ATXN1: variants seen among roughly 807,000 people sequenced by gnomAD.
The protein encoded by ATXN1 is ataxin 1, also known as ataxin-1.
ATXN1 carries 8 observed loss-of-function variants against 56.4 expected under a neutral mutation model. The ratio of observed to expected loss-of-function variants is 0.14; its 90% CI spans 0.08 to 0.26. ATXN1 has a LOEUF of 0.26. ATXN1 is among the 10% of genes least tolerant of loss of function. ATXN1 has a pLI of 1.00. For synonymous variants in ATXN1, 514 were observed against 494.6 expected, an observed-to-expected ratio of 1.04 and a Z score of -0.52; for missense variants, 987 against 1,106.5, an observed-to-expected ratio of 0.89 and a Z score of 1.53.
At chr6:16,539,882 C>T (rs919006907) in intron 4 of ATXN1, among the ~76,000 whole-genome samples, 5 of 152,158 alleles carry the variant, frequency 3.3e-5, no homozygotes, top group Non-Finnish European at 4.4e-5. Context: ...GCAGATGACA[C>T]ACCGAAGGCA....
rs116540327 is a variant in ATXN1, at chr6:16,549,024, A to G, written c.-360-26336T>C. Among the ~76,000 whole-genome samples the G allele has an allele frequency of 2.0e-3, 310 of 152,188 alleles. 1 individual carries two copies. The highest frequency in any genetic ancestry group is 2.9e-3 in the Non-Finnish European group (199 of 68,004). ...GGTCAGGATCATTCATATCACCTCT[A>G]CCTCCACATCTTGTCCCACTGAGAG... On this transcript the variant is annotated intron_variant, in intron 4 of 7. Coordinates refer to ENST00000436367, the MANE Select transcript of ATXN1 (RefSeq NM_001128164.2).
intron 5 of ATXN1, among the ~76,000 whole-genome samples, chr6:16,497,131 T>C (rs1227531040): frequency 6.6e-6 from 1 of 152,180 alleles, no homozygotes; most frequent in East Asian, 1.9e-4. Flanking sequence ...AATGACTTCG[T>C]TATGGAAATG....
chr6:16,347,939 G>C (rs1422827117), intron 6 of ATXN1, among the ~76,000 whole-genome samples: 2 of 152,204 alleles, frequency 1.3e-5, no homozygotes, highest in Non-Finnish European at 2.9e-5. Flanking sequence ...TATACTGCCT[G>C]TATGAGCTAT....
At chr6:16,580,494 A>G (rs561391210) in intron 4 of ATXN1, among the ~76,000 whole-genome samples, 1 of 152,238 alleles carries the variant, frequency 6.6e-6, no homozygotes, top group Non-Finnish European at 1.5e-5. Flanking sequence ...TCTGTGCAGC[A>G]GTCTGCTTTA....
intron 5 of ATXN1, among the ~76,000 whole-genome samples, chr6:16,488,358 T>A (rs1760592610): frequency 6.6e-6 from 1 of 152,212 alleles, no homozygotes; most frequent in Admixed American, 6.5e-5. Flanking sequence ...GGTACCAGAT[T>A]TCTGGCTTCC....
In ATXN1 at chr6:16,327,755, T is replaced by A. The variant is rs112175378; in HGVS notation, c.556A>T (p.Ser186Cys). 3.0e-3 allele frequency: 4,791 copies of A among 1,608,792 alleles called. 7 individuals are homozygous for A. Among genetic ancestry groups the A allele is most frequent in the Non-Finnish European group, 3.2e-3 (3,781 of 1,179,770 alleles). Reference sequence around the variant, plus strand: ...TTGTGTCCCGGCGTCTGGCTCAGACTGCCCATGTTGGCCAGCAGAGTGGAA... The same window carrying A: ...TTGTGTCCCGGCGTCTGGCTCAGACAGCCCATGTTGGCCAGCAGAGTGGAA... Reference protein sequence around the residue: ...AYSTLLANMGSLSQTPGHKAE... With the variant: ...AYSTLLANMGCLSQTPGHKAE... The change falls in exon 7 of 8, where the codon AGT becomes TGT. Residue 186 changes from serine to cysteine, a missense_variant. Around this residue, in one of 3 missense-constraint regions of ATXN1, gnomAD observed 723 missense variants for 791.7 expected, o/e 0.91. Transcript: ENST00000436367.
chr6:16,454,619 C>A (rs1759829429), intron 6 of ATXN1, among the ~76,000 whole-genome samples: 1 of 152,178 alleles, frequency 6.6e-6, no homozygotes, highest in South Asian at 2.1e-4. Context: ...CTACACAGTA[C>A]ATGTAATTGT....
intron 3 of ATXN1, among the ~76,000 whole-genome samples, chr6:16,637,414 G>A (rs893952176): frequency 2.0e-5 from 3 of 151,704 alleles, no homozygotes; most frequent in African/African-American, 4.8e-5. Flanking sequence ...GTTAATGGGT[G>A]CAGCACACCA....
At chr6:16,582,530 C>T (rs1035555675) in intron 4 of ATXN1, among the ~76,000 whole-genome samples, 1 of 152,154 alleles carries the variant, frequency 6.6e-6, no homozygotes. Flanking sequence ...CCCAAAGTCC[C>T]CATGGGACTT....
intron 4 of ATXN1, among the ~76,000 whole-genome samples, chr6:16,578,830 G>A (rs962420340): frequency 1.3e-5 from 2 of 152,144 alleles, no homozygotes; most frequent in African/African-American, 4.8e-5. Flanking sequence ...ATTCTTGACT[G>A]TGGTCACTAT....
intron 3 of ATXN1, among the ~76,000 whole-genome samples, chr6:16,619,940 G>C (rs945053830): frequency 1.1e-4 from 16 of 151,862 alleles, no homozygotes; most frequent in Non-Finnish European, 1.8e-4. Context: ...TGCCACCTTG[G>C]GCAAGTTGCT....
chr6:16,595,536 A>T (rs1762798992), intron 3 of ATXN1, among the ~76,000 whole-genome samples: 1 of 152,248 alleles, frequency 6.6e-6, no homozygotes, highest in South Asian at 2.1e-4. Context: ...GTTAATCTGG[A>T]GGGGAACTAA....
intron 6 of ATXN1, among the ~76,000 whole-genome samples, chr6:16,417,546 G>A (rs1295475692): frequency 2.0e-5 from 3 of 150,706 alleles, no homozygotes; most frequent in Non-Finnish European, 4.4e-5. Context: ...TCAAGCGATT[G>A]TCCTGCCTCA....
rs539078284 is a variant in ATXN1 at position 16,642,266 on chromosome 6, G to A, written c.-489+15510C>T. On this transcript the variant is annotated intron_variant, in intron 3 of 7. Transcript: ENST00000436367. ...AAAAATTAGCCCAGCGTGGTGGTGC[G>A]CACCTGTAGTCCCAGCTACTCAGGA... Among the ~76,000 whole-genome samples the A allele has an allele frequency of 6.6e-5, 10 of 152,280 alleles. No homozygotes were observed. In the South Asian group the frequency reaches 1.0e-3, roughly 16 times the overall value.
intron 3 of ATXN1, among the ~76,000 whole-genome samples, chr6:16,636,024 G>A (rs9297014): frequency 0.68 from 103,438 of 152,042 alleles, 36,360 homozygotes; most frequent in African/African-American, 0.88. Context: ...TCACTCGCCC[G>A]TGGAGATCAC....
chr6:16,588,808 G>A (rs1238394680), intron 3 of ATXN1, among the ~76,000 whole-genome samples: 1 of 152,002 alleles, frequency 6.6e-6, no homozygotes, highest in Non-Finnish European at 1.5e-5. Flanking sequence ...GGAAGGGAGG[G>A]AGGAAGGTAG....
intron 2 of ATXN1, among the ~76,000 whole-genome samples, chr6:16,722,700 C>T (rs1224342686): frequency 6.6e-6 from 1 of 152,182 alleles, no homozygotes; most frequent in African/African-American, 2.4e-5. Context: ...TGATAGTAAT[C>T]AAACCTGAGT....
intron 2 of ATXN1, among the ~76,000 whole-genome samples, chr6:16,704,680 T>C (rs1413594668): frequency 6.6e-6 from 1 of 152,162 alleles, no homozygotes; most frequent in Non-Finnish European, 1.5e-5. Context: ...AAACAATTCC[T>C]TACGGGGAGC....
chr6:16,369,064 A>G (rs1221670235), intron 6 of ATXN1, among the ~76,000 whole-genome samples: 2 of 152,252 alleles, frequency 1.3e-5, no homozygotes, highest in African/African-American at 4.8e-5. Context: ...GGACCAATAA[A>G]TTAACCGCCT....
Sources: gnomAD v4.1 joint callset for allele counts (sites outside exome capture counted in the v4.1 genomes callset) on GRCh38, gnomAD v4.1.1 for gene constraint, gnomAD v4.1.1 regional missense constraint, MANE v1.5 for transcripts, NCBI Gene and HGNC (gene_info 2026-07-23, HGNC 2026-07-21) for gene names.